The following CCDC62 variants were observed in gnomAD, a reference collection of about 807,000 sequenced individuals.
CCDC62 encodes coiled-coil domain-containing protein 62.
CCDC62 carries 72 observed loss-of-function variants against 80.8 expected under a neutral mutation model. The ratio of observed to expected loss-of-function variants is 0.89; its 90% CI spans 0.74 to 1.08. The LOEUF (loss-of-function observed/expected upper bound fraction) is 1.08. CCDC62 is among the 50% of genes least tolerant of loss of function. The probability of loss-of-function intolerance (pLI) is 0.00; values close to 1 mark genes in which losing one functional copy is unlikely to be tolerated. For missense variants in CCDC62, 704 were observed against 809.4 expected (o/e 0.87, Z 1.58); for synonymous variants, 286 against 296.5 (o/e 0.96, Z 0.36).
At chr12:122,819,141 A>C (rs1304837138) in intron 11 of CCDC62, among the ~76,000 whole-genome samples, 1 of 152,218 alleles carries the variant, frequency 6.6e-6, no homozygotes, top group Non-Finnish European at 1.5e-5. Context: ...GGAAGACAGA[A>C]TTTAAATAAC....
chr12:122,781,134 G>C, intron 2 of CCDC62, 30 bp from the exon 3 acceptor site: 1 of 1,581,214 alleles, frequency 6.3e-7, no homozygotes, highest in Non-Finnish European at 8.6e-7. Context: ...CTGAAGGTGT[G>C]ACTACAAATT....
chr12:122,790,687 A>G (rs934881579), intron 5 of CCDC62, among the ~76,000 whole-genome samples: 5 of 152,142 alleles, frequency 3.3e-5, no homozygotes, highest in Non-Finnish European at 7.4e-5. Flanking sequence ...AGGAATTTTT[A>G]TAGAGCTCAA....
chr12:122,806,314 C>A lies in CCDC62; in HGVS notation c.1851+19C>A. ...TGAAAAGGTTCGTATTTTGCTTAGACATCCCCAGCTTACTCAAGCCAGGCC... is the reference window on the plus strand; with the variant it reads ...TGAAAAGGTTCGTATTTTGCTTAGAAATCCCCAGCTTACTCAAGCCAGGCC... On this transcript the variant is annotated intron_variant, in intron 10 of 12. Transcript: ENST00000253079. The A allele has an allele frequency of 6.3e-7, 1 of 1,592,040 alleles. No individual in the cohort carries two copies. Among genetic ancestry groups the A allele is most frequent in the Non-Finnish European group, 8.6e-7 (1 of 1,165,548 alleles).
At chr12:122,820,436 G>T (rs2032355253) in intron 11 of CCDC62, among the ~76,000 whole-genome samples, 1 of 152,192 alleles carries the variant, frequency 6.6e-6, no homozygotes, top group Non-Finnish European at 1.5e-5. Flanking sequence ...CGTCCTGATT[G>T]CTGGCTTGAG....
chr12:122,815,598 C>T (rs1029328007), intron 11 of CCDC62, among the ~76,000 whole-genome samples: 10 of 152,094 alleles, frequency 6.6e-5, no homozygotes, highest in African/African-American at 2.2e-4. Flanking sequence ...AGGCGCCCGC[C>T]ACCACACCCG....
At chr12:122,823,502 T>C in intron 12 of CCDC62, 43 bp downstream of exon 12, 1 of 933,112 alleles carries the variant, frequency 1.1e-6, no homozygotes, top group Non-Finnish European at 1.7e-6. Context: ...TCAATTAATA[T>C]TTAATAAGTA....
At chr12:122,807,257 C>T (rs1252670359) in intron 10 of CCDC62, among the ~76,000 whole-genome samples, 3 of 152,006 alleles carry the variant, frequency 2.0e-5, no homozygotes, top group South Asian at 4.1e-4. Context: ...CATCGCCAGG[C>T]GCAGTGGCTC....
chr12:122,795,536 GC>G (rs1415887467), intron 6 of CCDC62, among the ~76,000 whole-genome samples: 1 of 151,876 alleles, frequency 6.6e-6, no homozygotes, highest in African/African-American at 2.4e-5. Flanking sequence ...CCATTCTCCT[GC>G]CTCAGCCTCC....
At chr12:122,797,745 T>C (rs12298293) in intron 7 of CCDC62, among the ~76,000 whole-genome samples, 6,577 of 152,002 alleles carry the variant, frequency 0.043, 268 homozygotes, top group East Asian at 0.24. Flanking sequence ...TTTTACTGTG[T>C]TGGCCAGGCT....
rs775318071 is a variant in CCDC62, at chr12:122,806,225, C to G, written c.1781C>G (p.Ser594Cys). 1.7e-5 allele frequency: 28 copies of G among 1,613,642 alleles called. No homozygotes were observed. The East Asian group carries it at 6.2e-4, about 36-fold the overall frequency. The change falls in exon 10 of 13, where the codon TCC becomes TGC. Residue 594 changes from serine to cysteine, a missense_variant. Physicochemically the swap from Ser to Cys is moderately radical, Grantham distance 112 (BLOSUM62 -1). Transcript: ENST00000253079. ...GCCTTGAGAGAAGATGAGACGGAGT[C>G]CTCTTCCAATAAAAAGAACTCACCT... ...KSALREDETE[S>C]SSNKKNSPTS...
At chr12:122,813,485 C>G in intron 11 of CCDC62, 66 bp downstream of exon 11, 3 of 1,439,672 alleles carry the variant, frequency 2.1e-6, no homozygotes, top group Non-Finnish European at 2.8e-6. Context: ...CACCAGTGTG[C>G]AAATATCACC....
chr12:122,823,489 ATC>A, intron 12 of CCDC62, 30 bp downstream of exon 12: 1 of 1,007,794 alleles, frequency 9.9e-7, no homozygotes, highest in Non-Finnish European at 1.6e-6. Flanking sequence ...CTCACCTTAT[ATC>A]TCAATTAATA....
intron 9 of CCDC62, among the ~76,000 whole-genome samples, 179 bp from the exon 10 acceptor site, chr12:122,805,972 C>T (rs2031575666): frequency 1.3e-5 from 2 of 152,112 alleles, no homozygotes; most frequent in African/African-American, 2.4e-5. Flanking sequence ...TTCTTATTTG[C>T]AAAAGGTATG....
At chr12:122,813,112 C>T (rs541933324) in intron 10 of CCDC62, among the ~76,000 whole-genome samples, 158 bp from the exon 11 acceptor site, 8 of 152,206 alleles carry the variant, frequency 5.3e-5, no homozygotes, top group East Asian at 1.9e-4. Context: ...GAGGATCACT[C>T]GAGCCCAGGA....
At chr12:122,810,960 A>T (rs2031844130) in intron 10 of CCDC62, among the ~76,000 whole-genome samples, 1 of 150,088 alleles carries the variant, frequency 6.7e-6, no homozygotes, top group Non-Finnish European at 1.5e-5. Context: ...CATAGGTGGG[A>T]ATTGAACAAT....
chr12:122,818,670 C>A (rs1264384858), intron 11 of CCDC62, among the ~76,000 whole-genome samples: 1 of 134,636 alleles, frequency 7.4e-6, no homozygotes, highest in African/African-American at 3.3e-5. Context: ...CACCTGTAAT[C>A]CTAGCTCTTT....
rs1295368795 is a variant in CCDC62, at chr12:122,827,505, G to A, written c.*1124G>A. 1 of 152,172 alleles carries A rather than the reference G, an allele frequency of 6.6e-6. No homozygotes were observed. Among genetic ancestry groups the A allele is most frequent in the Admixed American group, 6.5e-5 (1 of 15,270 alleles). The allele number at this position is 152,172 out of a possible 1,614,324, so 9.4% of individuals were successfully genotyped here. A position where few individuals can be genotyped will look rare whatever the true frequency, so the allele number is the denominator to read the frequency against. ...GTTTGGTTATGTTCTTTATCAATGC[G>A]TGCTTTCTCCCTCAGGCTGGGCTGT... On this transcript the variant is annotated 3_prime_UTR_variant, in exon 13 of 13. Coordinates refer to ENST00000253079, the MANE Select transcript of CCDC62 (RefSeq NM_201435.5).
At chr12:122,814,503 A>AT (rs2032083478) in intron 11 of CCDC62, among the ~76,000 whole-genome samples, 1 of 132,490 alleles carries the variant, frequency 7.5e-6, no homozygotes. Context: ...ATGGACTTTT[A>AT]ATTTTTTTTT....
chr12:122,825,624 G>A (rs2032589628), intron 12 of CCDC62, among the ~76,000 whole-genome samples: 1 of 149,016 alleles, frequency 6.7e-6, no homozygotes, highest in African/African-American at 2.5e-5. Flanking sequence ...CCAAAGTGCT[G>A]GGATTAAAGG....
Sources: allele counts gnomAD v4.1 joint callset (sites outside exome capture counted in the v4.1 genomes callset), GRCh38; gene constraint gnomAD v4.1.1; transcripts MANE v1.5; gene names NCBI Gene and HGNC (gene_info 2026-07-23, HGNC 2026-07-21).